Variants in FLVCR1 observed in about 807,000 individuals in gnomAD.
FLVCR1 encodes the protein FLVCR choline and heme transporter 1, also known as choline/ethanolamine transporter FLVCR1.
Under a neutral mutation model 53.6 loss-of-function variants are expected in FLVCR1, and 34 were observed. That is an observed-to-expected ratio of 0.63 (90% CI 0.48 to 0.84). The LOEUF (loss-of-function observed/expected upper bound fraction) is 0.84, where lower values mean the gene tolerates loss of function less well. Ranked by LOEUF, FLVCR1 falls within the 40% of genes least tolerant of loss-of-function variation. FLVCR1 has a pLI of 0.00. For synonymous variants in FLVCR1, 300 were observed against 286.3 expected, an observed-to-expected ratio of 1.05 and a Z score of -0.48; for missense variants, 677 against 696.7, an observed-to-expected ratio of 0.97 and a Z score of 0.32.
intron 3 of FLVCR1, among the ~76,000 whole-genome samples, chr1:212,875,780 G>A (rs977783490): frequency 6.6e-6 from 1 of 151,502 alleles, no homozygotes; most frequent in African/African-American, 2.4e-5. Flanking sequence ...GGCAAAGGTT[G>A]CAGTAAGCTG....
chr1:212,874,531 T>TC (rs1246668988), intron 3 of FLVCR1, among the ~76,000 whole-genome samples: 9 of 20,740 alleles, frequency 4.3e-4, no homozygotes, highest in Admixed American at 1.0e-3. Context: ...TTTTTCTTTT[T>TC]TTTTTTTTTT....
intron 2 of FLVCR1, among the ~76,000 whole-genome samples, chr1:212,868,219 C>G (rs1664497305): frequency 6.6e-6 from 1 of 151,994 alleles, no homozygotes. Context: ...CTACCTCAGC[C>G]CTCTGAGTAG....
chr1:212,898,543 T>A lies in FLVCR1; in HGVS notation c.*3253T>A, dbSNP rs1262120961. On this transcript the variant is annotated 3_prime_UTR_variant, in exon 10 of 10. Transcript: ENST00000366971. ...TATTTCTGAAAAGCATATACATATA[T>A]GTTATGTTTATTTTTCCTTGTTGAT... The A allele has an allele frequency of 6.6e-6, 1 of 152,212 alleles. No homozygotes were observed. Among genetic ancestry groups the A allele is most frequent in the African/African-American group, 2.4e-5 (1 of 41,432 alleles). 9.4% of individuals were successfully genotyped at this position (152,212 alleles called of 1,614,324 possible). A position where few individuals can be genotyped will look rare whatever the true frequency, so the allele number is the denominator to read the frequency against.
At chr1:212,886,937 G>C (rs756804849) in intron 5 of FLVCR1, among the ~76,000 whole-genome samples, 8 of 152,140 alleles carry the variant, frequency 5.3e-5, no homozygotes, top group Non-Finnish European at 1.2e-4. Flanking sequence ...ATTTTGCTCT[G>C]GGAGTGAAAA....
intron 5 of FLVCR1, among the ~76,000 whole-genome samples, chr1:212,886,669 G>T (rs11120059): frequency 6.6e-6 from 1 of 151,668 alleles, no homozygotes; most frequent in African/African-American, 2.4e-5. Context: ...GTGTGGTGGT[G>T]GGCACCTGTA....
chr1:212,858,771 C>A lies in FLVCR1; in HGVS notation c.319C>A (p.Arg107Ser), dbSNP rs773385018. The A allele has an allele frequency of 1.7e-5, 27 of 1,613,940 alleles. No individual in the cohort carries two copies. The highest frequency in any genetic ancestry group is 2.3e-5 in the Non-Finnish European group (27 of 1,180,018). Residue 107 changes from arginine to serine, a missense_variant, in exon 1 of 10, where the codon CGC (arginine) becomes AGC (serine). Transcript: ENST00000366971. ...PLPLTALSPR[R>S]FVVLLIFSLY... The stretch of plus-strand genomic sequence containing the variant: ...GCCCCTTACGGCGCTCTCCCCGCGG[C>A]GCTTCGTGGTGCTCCTGATCTTCAG...
Position 212,889,257 on chromosome 1 carries a change from G to T in FLVCR1, c.1525G>T (p.Ala509Ser). 1.3e-6 allele frequency: 2 copies of T among 1,578,326 alleles called. No individual in the cohort carries two copies. Among genetic ancestry groups the T allele is most frequent in the Non-Finnish European group, 1.7e-6 (2 of 1,147,522 alleles). Residue 509 changes from alanine to serine, a missense_variant and splice_region_variant, in exon 8 of 10, where the codon GCA (alanine) becomes TCA (serine). By Grantham distance (99) the Ala-to-Ser change is moderately conservative. Transcript: ENST00000366971. ...GATGTTTATAGGCATCATATTAACA[G>T]GTAAATTAGGGCGTTTGCCTGGCAA... ...VWMFIGIILT[A>S]LIKSDLRRHN...
In FLVCR1 at chr1:212,895,332, T is replaced by C. The variant is rs1665306332; in HGVS notation, c.*42T>C. 7.0e-7 allele frequency: 1 copy of C among 1,432,770 alleles called. No individual in the cohort carries two copies. Among genetic ancestry groups the C allele is most frequent in the Non-Finnish European group, 9.9e-7 (1 of 1,013,954 alleles). 88.8% of individuals were successfully genotyped at this position (1,432,770 alleles called of 1,614,324 possible). ...ACTGTCCTGTAGTAATTGGGGACAA[T>C]GTGATCATCCTTGGAGAGAGATGTG... On this transcript the variant is annotated 3_prime_UTR_variant, in exon 10 of 10. Transcript: ENST00000366971.
At chr1:212,878,596 G>A (rs1664835373) in intron 3 of FLVCR1, among the ~76,000 whole-genome samples, 1 of 151,328 alleles carries the variant, frequency 6.6e-6, no homozygotes, top group African/African-American at 2.4e-5. Flanking sequence ...TAATAAGAAT[G>A]AGTTAGCAAA....
At chr1:212,869,464 T>C (rs546289703) in intron 2 of FLVCR1, among the ~76,000 whole-genome samples, 32 of 152,368 alleles carry the variant, frequency 2.1e-4, no homozygotes, top group African/African-American at 6.5e-4. Context: ...CAAAAGATAG[T>C]TTGACTTCCT....
intron 1 of FLVCR1, among the ~76,000 whole-genome samples, chr1:212,861,306 GACTA>G (rs1166262684): frequency 6.6e-6 from 1 of 152,146 alleles, no homozygotes; most frequent in Non-Finnish European, 1.5e-5. Context: ...TTCTTCACTT[GACTA>G]ACTCCAATTT....
chr1:212,865,980 GGTT>G (rs1664409143), intron 2 of FLVCR1, among the ~76,000 whole-genome samples: 3 of 32,090 alleles, frequency 9.3e-5, no homozygotes, highest in Admixed American at 6.0e-4. Flanking sequence ...TTTGGGGTTT[GGTT>G]TTTTTTTTTT....
intron 3 of FLVCR1, among the ~76,000 whole-genome samples, chr1:212,881,301 C>CT (rs35751115): frequency 0.21 from 24,652 of 119,582 alleles, 3,446 homozygotes; most frequent in East Asian, 0.44. Flanking sequence ...ATTTCTTTGT[C>CT]TTTTTTTTTT....
At chr1:212,894,506 T>C (rs1283268515) in intron 8 of FLVCR1, among the ~76,000 whole-genome samples, 3 of 152,202 alleles carry the variant, frequency 2.0e-5, no homozygotes, top group East Asian at 3.8e-4. Flanking sequence ...CTCTGAGATA[T>C]ACCTGCATTC....
intron 2 of FLVCR1, among the ~76,000 whole-genome samples, chr1:212,867,673 T>C (rs1339977354): frequency 6.6e-6 from 1 of 152,184 alleles, no homozygotes; most frequent in Non-Finnish European, 1.5e-5. Context: ...GTCATTTAAC[T>C]CATGTGTCAA....
intron 8 of FLVCR1, among the ~76,000 whole-genome samples, chr1:212,890,592 A>G (rs1194664863): frequency 6.6e-6 from 1 of 152,178 alleles, no homozygotes; most frequent in Non-Finnish European, 1.5e-5. Context: ...ATACTACACC[A>G]TTTCATATAA....
At chr1:212,860,906 A>G (rs1664220932) in intron 1 of FLVCR1, among the ~76,000 whole-genome samples, 1 of 152,162 alleles carries the variant, frequency 6.6e-6, no homozygotes, top group South Asian at 2.1e-4. Flanking sequence ...TTTATCTCTA[A>G]TGCCACTGTC....
chr1:212,869,596 T>C (rs190763782), intron 2 of FLVCR1, among the ~76,000 whole-genome samples: 3 of 152,362 alleles, frequency 2.0e-5, no homozygotes, highest in Non-Finnish European at 4.4e-5. Flanking sequence ...CAGGCTGGAG[T>C]GCGGTGGTGC....
At chr1:212,863,176 T>C (rs1462228948) in intron 1 of FLVCR1, among the ~76,000 whole-genome samples, 1 of 152,246 alleles carries the variant, frequency 6.6e-6, no homozygotes, top group African/African-American at 2.4e-5. Flanking sequence ...GACTGTATAT[T>C]ACACAGCTTT....
Sources: allele counts gnomAD v4.1 joint callset (sites outside exome capture counted in the v4.1 genomes callset), GRCh38; gene constraint gnomAD v4.1.1; transcripts MANE v1.5; gene names NCBI Gene and HGNC (gene_info 2026-07-23, HGNC 2026-07-21).